CSMD1: variants seen among roughly 807,000 people sequenced by gnomAD.
The protein encoded by CSMD1 is CUB and Sushi multiple domains 1.
A neutral mutation model predicts 417.5 loss-of-function variants in CSMD1; 213 were observed. The observed-to-expected ratio is 0.51, with a 90% CI of 0.46 to 0.57. CSMD1 has a LOEUF of 0.57. Ranked by LOEUF, CSMD1 falls within the 20% of genes least tolerant of loss-of-function variation. CSMD1 has a pLI of 0.00. For synonymous variants in CSMD1, 2,862 were observed against 1,736.8 expected, an observed-to-expected ratio of 1.65 and a Z score of -16.11; for missense variants, 6,923 against 4,529.7, an observed-to-expected ratio of 1.53 and a Z score of -15.17.
intron 5 of CSMD1, among the ~76,000 whole-genome samples, chr8:3,885,844 C>T (rs906716122): frequency 6.6e-6 from 1 of 152,098 alleles, no homozygotes; most frequent in African/African-American, 2.4e-5. Flanking sequence ...TGGCAAACGT[C>T]TCTGTGAACA....
intron 11 of CSMD1, among the ~76,000 whole-genome samples, chr8:3,473,613 A>G (rs1817235031): frequency 6.6e-6 from 1 of 152,184 alleles, no homozygotes; most frequent in African/African-American, 2.4e-5. Flanking sequence ...TTTTCAAAAT[A>G]ATAATACCTG....
At chr8:3,228,223 C>A (rs1363673809) in intron 27 of CSMD1, among the ~76,000 whole-genome samples, 5 of 151,596 alleles carry the variant, frequency 3.3e-5, no homozygotes, top group Middle Eastern at 3.2e-3. Context: ...AATGTATTAC[C>A]CTTTAATATG....
intron 1 of CSMD1, among the ~76,000 whole-genome samples, chr8:4,979,444 T>G (rs925553147): frequency 6.6e-6 from 1 of 151,860 alleles, no homozygotes; most frequent in East Asian, 1.9e-4. Context: ...CTTAGCCGTA[T>G]AGCAGATGCC....
At chr8:4,650,652 G>C (rs1026359234) in intron 1 of CSMD1, among the ~76,000 whole-genome samples, 4 of 131,946 alleles carry the variant, frequency 3.0e-5, no homozygotes, top group Non-Finnish European at 5.0e-5. Flanking sequence ...CTGTGGCCTT[G>C]AGTTAAAAAA....
chr8:4,675,003 A>C (rs1410867713), intron 1 of CSMD1, among the ~76,000 whole-genome samples: 2 of 152,144 alleles, frequency 1.3e-5, no homozygotes, highest in East Asian at 1.9e-4. Context: ...CCAAGAAGAG[A>C]GCCTTCCCCA....
intron 69 of CSMD1, among the ~76,000 whole-genome samples, chr8:2,941,646 C>T (rs892269456): frequency 6.6e-6 from 1 of 152,198 alleles, no homozygotes; most frequent in Non-Finnish European, 1.5e-5. Context: ...AGTTGTTTGT[C>T]CCCAAGTTTT....
chr8:3,294,240 G>GC (rs1407369661), intron 25 of CSMD1, among the ~76,000 whole-genome samples: 1 of 152,022 alleles, frequency 6.6e-6, no homozygotes, highest in Non-Finnish European at 1.5e-5. Flanking sequence ...CCTACTGGGG[G>GC]GTGCCTCCCA....
intron 5 of CSMD1, among the ~76,000 whole-genome samples, chr8:3,985,476 A>G (rs1254685009): frequency 1.3e-5 from 2 of 152,118 alleles, no homozygotes; most frequent in Non-Finnish European, 2.9e-5. Context: ...TTAGAACATA[A>G]TTGCTGCTCA....
intron 5 of CSMD1, among the ~76,000 whole-genome samples, chr8:3,917,540 C>T (rs762587343): frequency 6.6e-6 from 1 of 152,082 alleles, no homozygotes; most frequent in Non-Finnish European, 1.5e-5. Flanking sequence ...GTTTTATTAC[C>T]TGGAATGCCT....
intron 3 of CSMD1, among the ~76,000 whole-genome samples, chr8:4,104,405 CATG>C (rs1457655833): frequency 1.3e-5 from 2 of 151,430 alleles, no homozygotes; most frequent in Non-Finnish European, 2.9e-5. Context: ...CGTGTACACA[CATG>C]CACACGCACA....
At chr8:4,660,195 A>G (rs972685613) in intron 1 of CSMD1, among the ~76,000 whole-genome samples, 12 of 152,050 alleles carry the variant, frequency 7.9e-5, no homozygotes, top group African/African-American at 2.9e-4. Context: ...TAAAGATGAC[A>G]TAATGTTCTT....
chr8:4,394,179 T>C (rs1295475181), intron 3 of CSMD1, among the ~76,000 whole-genome samples: 1 of 152,212 alleles, frequency 6.6e-6, no homozygotes, highest in African/African-American at 2.4e-5. Flanking sequence ...AACATACATC[T>C]GTGTGTTGTA....
intron 10 of CSMD1, among the ~76,000 whole-genome samples, chr8:3,569,356 G>C (rs1448064990): frequency 6.6e-6 from 1 of 152,122 alleles, no homozygotes; most frequent in Non-Finnish European, 1.5e-5. Flanking sequence ...ATAAATACTT[G>C]CAATAAACTG....
intron 1 of CSMD1, among the ~76,000 whole-genome samples, chr8:4,842,507 C>G (rs959427280): frequency 6.6e-6 from 1 of 152,160 alleles, no homozygotes; most frequent in African/African-American, 2.4e-5. Flanking sequence ...AAATGACTTA[C>G]TAAAAAATGT....
chr8:3,704,157 CAGTT>C (rs1317990479), intron 7 of CSMD1, among the ~76,000 whole-genome samples: 6 of 152,228 alleles, frequency 3.9e-5, no homozygotes, highest in African/African-American at 1.4e-4. Flanking sequence ...AAAAACCAGT[CAGTT>C]AGACAGTGAA....
chr8:3,904,569 G>A (rs1198721827), intron 5 of CSMD1, among the ~76,000 whole-genome samples: 1 of 151,612 alleles, frequency 6.6e-6, no homozygotes, highest in Admixed American at 6.6e-5. Flanking sequence ...ACTTTGGAGA[G>A]TTGGGAATTA....
chr8:4,446,761 G>GTGTGTGTGTGTGTC (rs1798830265), intron 2 of CSMD1, among the ~76,000 whole-genome samples: 1 of 69,014 alleles, frequency 1.4e-5, no homozygotes, highest in African/African-American at 8.5e-5. Flanking sequence ...GTGTCTGTGT[G>GTGTGTGTGTGTGTC]TGTGTGTGTG....
chr8:3,230,786 C>T (rs969611808), intron 26 of CSMD1, among the ~76,000 whole-genome samples: 2 of 152,132 alleles, frequency 1.3e-5, no homozygotes, highest in Admixed American at 6.5e-5. Context: ...CCCCCTTTCA[C>T]TCACCCAAAA....
At chr8:4,584,832 G>A (rs1799619938) in intron 2 of CSMD1, among the ~76,000 whole-genome samples, 1 of 152,208 alleles carries the variant, frequency 6.6e-6, no homozygotes, top group East Asian at 1.9e-4. Flanking sequence ...TGCTTTTCTA[G>A]TTTCTCCTAT....
Sources: allele counts gnomAD v4.1 joint callset (sites outside exome capture counted in the v4.1 genomes callset), GRCh38; gene constraint gnomAD v4.1.1; transcripts MANE v1.5; gene names NCBI Gene and HGNC (gene_info 2026-07-23, HGNC 2026-07-21).